EMILIN2: variants seen among roughly 807,000 people sequenced by gnomAD.
EMILIN2 encodes the protein elastin microfibril interfacer 2, also known as EMILIN-2.
Under a neutral mutation model 87.1 loss-of-function variants are expected in EMILIN2, and 71 were observed. The ratio of observed to expected loss-of-function variants is 0.82; its 90% CI spans 0.67 to 0.99. The LOEUF (loss-of-function observed/expected upper bound fraction) is 0.99. Among genes scored for constraint, EMILIN2 ranks in the 50% least tolerant of loss-of-function variants. EMILIN2 has a pLI of 0.00. For missense variants in EMILIN2, 1,407 were observed against 1,371.8 expected, an observed-to-expected ratio of 1.03 and a Z score of -0.40; for synonymous variants, 581 against 563.4, an observed-to-expected ratio of 1.03 and a Z score of -0.44.
rs548001566 is a variant in EMILIN2, at chr18:2,892,550, A to G, written c.2359+64A>G. 1.4e-4 allele frequency: 215 copies of G among 1,502,122 alleles called. No individual in the cohort carries two copies. The South Asian group carries it at 2.8e-3, about 19-fold the overall frequency. 93.0% of individuals were successfully genotyped at this position (1,502,122 alleles called of 1,614,324 possible). On this transcript the variant is annotated intron_variant, in intron 4 of 7. Coordinates refer to ENST00000254528, the MANE Select transcript of EMILIN2 (RefSeq NM_032048.3). ...TGCAGCACGCAACAACATTTTAAAA[A>G]TAATTTTTTGTTCATTTTTGATATT...
In EMILIN2 at chr18:2,866,704, T is replaced by C. The variant is rs9807235; in HGVS notation, c.258-18260T>C. Among the ~76,000 whole-genome samples, 1,306 of 152,338 alleles carry C rather than the reference T, an allele frequency of 8.6e-3. 16 individuals carry two copies. The highest frequency in any genetic ancestry group is 0.03 in the African/African-American group (1,227 of 41,560). On this transcript the variant is annotated intron_variant, in intron 2 of 7. Coordinates refer to ENST00000254528, the MANE Select transcript of EMILIN2 (RefSeq NM_032048.3). The stretch of plus-strand genomic sequence containing the variant: ...GCCCTTTATTTCTTTCTTGTCTGAT[T>C]GCTCTGGCTAGGACTTCCAGTACTA...
chr18:2,906,728 G>GT (rs2076914442), intron 4 of EMILIN2, 55 bp from the exon 5 acceptor site: 5 of 1,208,180 alleles, frequency 4.1e-6, no homozygotes. Context: ...TGACGGGGCA[G>GT]TCAGGGCTGA....
chr18:2,890,929 G>GC lies in EMILIN2; in HGVS notation c.802_803insC (p.Glu268AlafsTer11), dbSNP rs1391672949. Reference sequence around the variant, plus strand: ...GAAGGACATCAAGTCTGAATTGGCTGAAGTCAAAGATACTCTAAAGAACAA... The same window carrying GC: ...GAAGGACATCAAGTCTGAATTGGCTGCAAGTCAAAGATACTCTAAAGAACAA... On this transcript the variant is annotated frameshift_variant, in exon 4 of 8. Coordinates refer to ENST00000254528, the MANE Select transcript of EMILIN2 (RefSeq NM_032048.3). LOFTEE classifies it high-confidence loss of function. The surrounding 1 kb of genome is among the most constrained non-coding windows in gnomAD (Gnocchi z 4.7). 6.2e-7 allele frequency: 1 copy of GC among 1,613,988 alleles called. No individual in the cohort carries two copies. The highest frequency in any genetic ancestry group is 8.5e-7 in the Non-Finnish European group (1 of 1,180,050).
intron 3 of EMILIN2, among the ~76,000 whole-genome samples, chr18:2,886,383 G>T (rs926172169): frequency 1.3e-5 from 2 of 152,166 alleles, no homozygotes; most frequent in Non-Finnish European, 2.9e-5. Flanking sequence ...GCATATTGTA[G>T]TTTAATAAGT....
chr18:2,905,161 T>A (rs1420059078), intron 4 of EMILIN2, among the ~76,000 whole-genome samples: 1 of 152,032 alleles, frequency 6.6e-6, no homozygotes, highest in Non-Finnish European at 1.5e-5. Flanking sequence ...TAGCTCTGTA[T>A]CATCCTCAGG....
intron 4 of EMILIN2, among the ~76,000 whole-genome samples, chr18:2,898,606 C>T (rs1032599140): frequency 2.6e-5 from 4 of 152,204 alleles, no homozygotes; most frequent in Non-Finnish European, 5.9e-5. Context: ...TTCTGCTCTC[C>T]CACCCCTTTC....
chr18:2,912,006 T>C (rs1270028037), intron 7 of EMILIN2, among the ~76,000 whole-genome samples: 23 of 150,414 alleles, frequency 1.5e-4, no homozygotes, highest in Admixed American at 1.5e-3. Context: ...CCAGAGCAGA[T>C]TGAAGGCTTG....
intron 2 of EMILIN2, among the ~76,000 whole-genome samples, chr18:2,877,347 A>ATGTT (rs2076753853): frequency 6.6e-6 from 1 of 152,140 alleles, no homozygotes; most frequent in African/African-American, 2.4e-5. Context: ...CATGTTTAGC[A>ATGTT]AAGTGTCAAT....
Position 2,847,892 on chromosome 18 carries a change from A to G in EMILIN2, c.218A>G (p.Asn73Ser), listed in dbSNP as rs200114953. Residue 73 changes from asparagine to serine, a missense_variant, in exon 2 of 8, where the codon AAC becomes AGC. Physicochemically the swap from Asn to Ser is conservative, Grantham distance 46 (BLOSUM62 1). Coordinates refer to ENST00000254528, the MANE Select transcript of EMILIN2 (RefSeq NM_032048.3). The surrounding 1 kb of genome is among the most constrained non-coding windows in gnomAD (Gnocchi z 4.5). ...GSESFIQAQY[N>S]CAWNQMPCPS... ...GAGAGTTTTATTCAGGCTCAGTACA[A>G]CTGTGCCTGGAACCAGATGCCCTGT... 178 of 1,612,124 alleles carry G rather than the reference A, an allele frequency of 1.1e-4. 2 individuals are homozygous for G. In the Admixed American group the frequency reaches 2.9e-3, roughly 26 times the overall value.
At chr18:2,883,756 T>C (rs2076788978) in intron 2 of EMILIN2, among the ~76,000 whole-genome samples, 1 of 152,198 alleles carries the variant, frequency 6.6e-6, no homozygotes, top group African/African-American at 2.4e-5. Context: ...TCAACAGGAC[T>C]TTTTGAGTGC....
rs1790994 is a variant in EMILIN2 at position 2,913,433 on chromosome 18, T to C, written c.*29T>C. On this transcript the variant is annotated 3_prime_UTR_variant, in exon 8 of 8. Coordinates refer to ENST00000254528, the MANE Select transcript of EMILIN2 (RefSeq NM_032048.3). ...GGCTGGGGAGATGTCAGGGGAAAGATAGATAGTTGTAAAAACTCTAAAGCT... is the reference window on the plus strand; with the variant it reads ...GGCTGGGGAGATGTCAGGGGAAAGACAGATAGTTGTAAAAACTCTAAAGCT... 269,320 of 1,498,686 alleles carry C rather than the reference T, an allele frequency of 0.18. 25,725 individuals carry two copies. The highest frequency in any genetic ancestry group is 0.4 in the East Asian group (17,679 of 44,218). 92.8% of individuals were successfully genotyped at this position (1,498,686 alleles called of 1,614,324 possible). A position where few individuals can be genotyped will look rare whatever the true frequency, so the allele number is the denominator to read the frequency against.
Position 2,877,476 on chromosome 18 carries a change from A to C in EMILIN2, c.258-7488A>C, listed in dbSNP as rs970640943. Among the ~76,000 whole-genome samples the C allele has an allele frequency of 1.5e-4, 22 of 149,338 alleles. No homozygotes were observed. The East Asian group carries it at 2.5e-3, about 17-fold the overall frequency. On this transcript the variant is annotated intron_variant, in intron 2 of 7. Coordinates refer to ENST00000254528, the MANE Select transcript of EMILIN2 (RefSeq NM_032048.3). Reference sequence around the variant, plus strand: ...TTTTACAAACAAAACATTTGTCATAAGTAGTTTCTAGAAAATCAGTCTACT... The same window carrying C: ...TTTTACAAACAAAACATTTGTCATACGTAGTTTCTAGAAAATCAGTCTACT...
intron 2 of EMILIN2, among the ~76,000 whole-genome samples, chr18:2,862,497 G>T (rs577226196): frequency 1.3e-5 from 2 of 152,298 alleles, no homozygotes; most frequent in East Asian, 3.9e-4. Context: ...TAATCATGTG[G>T]TTTTTGTCAT....
intron 2 of EMILIN2, among the ~76,000 whole-genome samples, chr18:2,858,579 G>GTATATATATATATATATATATA (rs1173565497): frequency 1.6e-5 from 1 of 62,416 alleles, no homozygotes; most frequent in Non-Finnish European, 2.7e-5. Flanking sequence ...ATGTGTGTGT[G>GTATATATATATATATATATATA]TGTGTATATA....
Position 2,847,422 on chromosome 18 carries a change from G to A in EMILIN2, c.134+100G>A, listed in dbSNP as rs2076580577. 2.6e-6 allele frequency: 3 copies of A among 1,169,822 alleles called. No individual in the cohort carries two copies. The highest frequency in any genetic ancestry group is 3.2e-6 in the Non-Finnish European group (3 of 935,414). 72.5% of individuals were successfully genotyped at this position (1,169,822 alleles called of 1,614,324 possible). ...TGCCAAAGACGACGAGCGGCAGCCG[G>A]GGGCCTCCCTTGGACTTCCCCGGGC... On this transcript the variant is annotated intron_variant, in intron 1 of 7. Transcript: ENST00000254528. The surrounding 1 kb of genome is among the most constrained non-coding windows in gnomAD (Gnocchi z 4.5).
At chr18:2,887,715 A>G (rs1244581665) in intron 3 of EMILIN2, among the ~76,000 whole-genome samples, 1 of 152,158 alleles carries the variant, frequency 6.6e-6, no homozygotes, top group Non-Finnish European at 1.5e-5. Flanking sequence ...TTCTTCACAA[A>G]TTACCCAGTC....
chr18:2,903,074 GAC>G (rs1396407322), intron 4 of EMILIN2, among the ~76,000 whole-genome samples: 2 of 151,696 alleles, frequency 1.3e-5, no homozygotes, highest in Non-Finnish European at 2.9e-5. Context: ...TAGATAGAGA[GAC>G]ATACGCTTGG....
At chr18:2,872,262 A>T (rs2076723587) in intron 2 of EMILIN2, among the ~76,000 whole-genome samples, 1 of 152,228 alleles carries the variant, frequency 6.6e-6, no homozygotes, top group Non-Finnish European at 1.5e-5. Context: ...CTTTCCTTCT[A>T]CTAAGAATCA....
Position 2,915,658 on chromosome 18 carries a change from G to C in EMILIN2, c.*2254G>C, listed in dbSNP as rs1041147898. The C allele has an allele frequency of 6.6e-6, 1 of 152,350 alleles. No individual in the cohort carries two copies. Among genetic ancestry groups the C allele is most frequent in the Admixed American group, 6.5e-5 (1 of 15,280 alleles). The allele number at this position is 152,350 out of a possible 1,614,324, so 9.4% of individuals were successfully genotyped here. ...CTACCTCAGCCTCCCGAGTAGCGGG[G>C]ACTACAGGTGCATGCCGCCACGCCC... On this transcript the variant is annotated 3_prime_UTR_variant, in exon 8 of 8. Transcript: ENST00000254528.
Sources: allele counts gnomAD v4.1 joint callset (sites outside exome capture counted in the v4.1 genomes callset), GRCh38; gene constraint gnomAD v4.1.1; non-coding constraint Gnocchi (gnomAD v3.1); transcripts MANE v1.5; gene names NCBI Gene and HGNC (gene_info 2026-07-23, HGNC 2026-07-21).